IQCM: variants seen among roughly 807,000 people sequenced by gnomAD.
IQCM encodes the protein IQ motif containing M, also known as IQ domain-containing protein M.
A neutral mutation model predicts 57.6 loss-of-function variants in IQCM; 45 were observed. The ratio of observed to expected loss-of-function variants is 0.78; its 90% CI spans 0.62 to 1.00. IQCM has a LOEUF of 1.00. Ranked by LOEUF, IQCM falls within the 50% of genes least tolerant of loss-of-function variation. The pLI is 0.00. For missense variants in IQCM, 468 were observed against 511.6 expected (o/e 0.91, Z 0.82); for synonymous variants, 148 against 158.9 (o/e 0.93, Z 0.51).
At chr4:149,495,683 T>C (rs1272283869) in intron 12 of IQCM, among the ~76,000 whole-genome samples, 1 of 152,034 alleles carries the variant, frequency 6.6e-6, no homozygotes, top group Non-Finnish European at 1.5e-5. Flanking sequence ...CAAGGTAAAC[T>C]TTTTACACAA....
intron 7 of IQCM, among the ~76,000 whole-genome samples, chr4:149,654,999 A>G (rs2150141261): frequency 6.6e-6 from 1 of 152,334 alleles, no homozygotes; most frequent in South Asian, 2.1e-4. Context: ...AAATGTGACT[A>G]CCAGAAAATT....
intron 2 of IQCM, among the ~76,000 whole-genome samples, chr4:149,744,673 G>A (rs1318267666): frequency 6.6e-6 from 1 of 152,028 alleles, no homozygotes; most frequent in African/African-American, 2.4e-5. Context: ...GCTTAGAGAT[G>A]GGCACAATGA....
intron 7 of IQCM, among the ~76,000 whole-genome samples, chr4:149,631,878 A>T (rs747257693): frequency 2.0e-5 from 3 of 152,224 alleles, no homozygotes; most frequent in Non-Finnish European, 4.4e-5. Context: ...GGACAAGATT[A>T]GGAAGCAGTC....
At chr4:149,391,341 C>T (rs1731840266) in intron 13 of IQCM, among the ~76,000 whole-genome samples, 1 of 151,746 alleles carries the variant, frequency 6.6e-6, no homozygotes, top group African/African-American at 2.4e-5. Context: ...ATAACAATAG[C>T]CCCCCTTTTA....
At chr4:149,393,135 T>C (rs1014516843) in intron 13 of IQCM, among the ~76,000 whole-genome samples, 2 of 152,014 alleles carry the variant, frequency 1.3e-5, no homozygotes, top group South Asian at 2.1e-4. Context: ...ATTGTTTCAC[T>C]GCACTCCAGT....
chr4:149,767,083 C>T (rs1410706442), intron 2 of IQCM, among the ~76,000 whole-genome samples: 3 of 151,834 alleles, frequency 2.0e-5, no homozygotes, highest in Admixed American at 6.6e-5. Flanking sequence ...AATTGTGATG[C>T]AATTTCATCT....
intron 12 of IQCM, among the ~76,000 whole-genome samples, chr4:149,438,811 A>T (rs1366900795): frequency 1.3e-5 from 2 of 152,042 alleles, no homozygotes; most frequent in Non-Finnish European, 2.9e-5. Flanking sequence ...AAACCAAGGG[A>T]CAAAATGGTT....
intron 7 of IQCM, among the ~76,000 whole-genome samples, chr4:149,657,475 G>A (rs1195554763): frequency 2.0e-5 from 3 of 151,882 alleles, no homozygotes; most frequent in Non-Finnish European, 4.4e-5. Context: ...CAAAAACATT[G>A]GAGTACAGAT....
chr4:149,584,293 G>T (rs529186558), intron 9 of IQCM, among the ~76,000 whole-genome samples: 1 of 151,498 alleles, frequency 6.6e-6, no homozygotes, highest in Non-Finnish European at 1.5e-5. Flanking sequence ...AACTTATGGA[G>T]TTCTAACAAT....
At chr4:149,689,824 A>G (rs546866533) in intron 5 of IQCM, among the ~76,000 whole-genome samples, 1 of 152,306 alleles carries the variant, frequency 6.6e-6, no homozygotes, top group South Asian at 2.1e-4. Context: ...AAACATATGA[A>G]AAAATGCTCA....
chr4:149,484,241 T>A (rs1741224054), intron 12 of IQCM, among the ~76,000 whole-genome samples: 1 of 151,976 alleles, frequency 6.6e-6, no homozygotes, highest in Non-Finnish European at 1.5e-5. Flanking sequence ...TTGAGTCTTG[T>A]TTTTTCATCC....
chr4:149,528,080 C>T (rs1039043090), intron 12 of IQCM, among the ~76,000 whole-genome samples: 33 of 151,528 alleles, frequency 2.2e-4, no homozygotes, highest in African/African-American at 6.5e-4. Flanking sequence ...CCACCTCCTG[C>T]GTTCAAGTGA....
chr4:149,445,336 T>C (rs541576537), intron 12 of IQCM, among the ~76,000 whole-genome samples: 2 of 152,026 alleles, frequency 1.3e-5, no homozygotes, highest in South Asian at 4.1e-4. Context: ...TAGATATAAA[T>C]ATTTATATGC....
intron 12 of IQCM, among the ~76,000 whole-genome samples, chr4:149,544,819 T>C (rs1007206526): frequency 2.0e-5 from 3 of 152,140 alleles, no homozygotes; most frequent in Non-Finnish European, 4.4e-5. Flanking sequence ...CAATAAATGG[T>C]GTTGGGCAAA....
At chr4:149,398,975 T>A (rs1456121318) in intron 13 of IQCM, among the ~76,000 whole-genome samples, 1 of 152,110 alleles carries the variant, frequency 6.6e-6, no homozygotes, top group Non-Finnish European at 1.5e-5. Flanking sequence ...GCTTAAGTGA[T>A]CTTCCTGCCT....
intron 7 of IQCM, among the ~76,000 whole-genome samples, chr4:149,675,114 G>A (rs1761639496): frequency 6.6e-6 from 1 of 151,974 alleles, no homozygotes; most frequent in Non-Finnish European, 1.5e-5. Context: ...TCAAGGAGTA[G>A]AAAAGTGAAT....
At position 149,692,385 on chromosome 4, in the gene IQCM, T is replaced by C. The variant is rs144006167; in HGVS notation, c.386-5917A>G. ...TCTATCTTTGGAAGGAAGTGGAAAA[T>C]GTAGTATTGTTAGGACTTTCCCTTT... On this transcript the variant is annotated intron_variant, in intron 5 of 13. Coordinates refer to ENST00000636793, the MANE Select transcript of IQCM (RefSeq NM_001363507.2). Among the ~76,000 whole-genome samples, 279 of 152,282 alleles carry C rather than the reference T, an allele frequency of 1.8e-3. 1 individual carries two copies. The highest frequency in any genetic ancestry group is 2.8e-3 in the Non-Finnish European group (191 of 68,020).
At chr4:149,367,258 G>A (rs1224246621) in intron 13 of IQCM, among the ~76,000 whole-genome samples, 2 of 151,940 alleles carry the variant, frequency 1.3e-5, no homozygotes, top group African/African-American at 4.8e-5. Flanking sequence ...ATATTGTTGT[G>A]TGATTTATTA....
Position 149,689,450 on chromosome 4 carries a change from G to A in IQCM, c.386-2982C>T, listed in dbSNP as rs1005298706. ...AGGAGAAATACTTAATGTAGATGAC[G>A]GGTTGACAGGTGCAGCAAACCACCA... On this transcript the variant is annotated intron_variant, in intron 5 of 13. Transcript: ENST00000636793. Among the ~76,000 whole-genome samples the A allele has an allele frequency of 7.9e-5, 12 of 151,944 alleles. No individual in the cohort carries two copies. In the East Asian group the frequency reaches 1.2e-3, roughly 15 times the overall value.
Sources: allele counts gnomAD v4.1 joint callset (sites outside exome capture counted in the v4.1 genomes callset), GRCh38; gene constraint gnomAD v4.1.1; transcripts MANE v1.5; gene names NCBI Gene and HGNC (gene_info 2026-07-23, HGNC 2026-07-21).